Variants in PGM5 observed in about 807,000 individuals in gnomAD.
PGM5 encodes the protein phosphoglucomutase-like protein 5.
In PGM5, 23 loss-of-function variants were observed where a neutral mutation model predicts 59.2. That is an observed-to-expected ratio of 0.39 (90% CI 0.28 to 0.55). The LOEUF (loss-of-function observed/expected upper bound fraction) is 0.55. Among genes scored for constraint, PGM5 ranks in the 20% least tolerant of loss-of-function variants. The probability of loss-of-function intolerance (pLI) is 0.66; values close to 1 mark genes in which losing one functional copy is unlikely to be tolerated. For missense variants in PGM5, 574 were observed against 748.3 expected (o/e 0.77, Z 2.72); for synonymous variants, 214 against 286.0 (o/e 0.75, Z 2.54).
At chr9:68,513,026 G>C (rs1824776004) in intron 10 of PGM5, among the ~76,000 whole-genome samples, 1 of 152,176 alleles carries the variant, frequency 6.6e-6, no homozygotes, top group Non-Finnish European at 1.5e-5. Flanking sequence ...TTGGCCTAAG[G>C]CCTATAATTT....
In PGM5 at chr9:68,391,720, A is replaced by T. The variant is rs559918757; in HGVS notation, c.884A>T (p.Asp295Val). 9 of 1,612,934 alleles carry T rather than the reference A, an allele frequency of 5.6e-6. No individual in the cohort carries two copies. The South Asian group carries it at 7.7e-5, about 14-fold the overall frequency. ...GGATTTGGAGCTGCATTTGATGCTG[A>T]TGGGGTAAGTAGGAAAGCTGTCTGT... ...EYGFGAAFDA[D>V]GDRYMILGQN... The change falls in exon 5 of 11, where the codon GAT becomes GTT. Residue 295 changes from aspartate (D) to valine (V), a missense_variant. Transcript: ENST00000396396.
chr9:68,361,915 C>T (rs1438937904), intron 1 of PGM5, among the ~76,000 whole-genome samples: 2 of 151,890 alleles, frequency 1.3e-5, no homozygotes, highest in Non-Finnish European at 2.9e-5. Context: ...AAGGTTAGGG[C>T]GATCACTGCC....
intron 7 of PGM5, among the ~76,000 whole-genome samples, chr9:68,478,938 A>G (rs7039149): frequency 0.061 from 9,311 of 152,254 alleles, 620 homozygotes; most frequent in East Asian, 0.35. Context: ...GCTCTGTGAC[A>G]TCATCACCTC....
intron 9 of PGM5, among the ~76,000 whole-genome samples, chr9:68,494,670 T>C (rs767415921): frequency 3.9e-5 from 6 of 152,166 alleles, no homozygotes; most frequent in Non-Finnish European, 5.9e-5. Context: ...CCTAAGGTCA[T>C]ACATCTGGGG....
chr9:68,426,152 A>G (rs1554682682), intron 6 of PGM5, among the ~76,000 whole-genome samples: 1 of 152,138 alleles, frequency 6.6e-6, no homozygotes, highest in Non-Finnish European at 1.5e-5. Context: ...GGCAGAGAGT[A>G]TAATGGAAAG....
At position 68,469,204 on chromosome 9, in the gene PGM5, C is replaced by T. The variant is rs1057241489; in HGVS notation, c.1159+3996C>T. Among the ~76,000 whole-genome samples, 4 of 152,348 alleles carry T rather than the reference C, an allele frequency of 2.6e-5. No homozygotes were observed. In the South Asian group the frequency reaches 6.2e-4, roughly 24 times the overall value. On this transcript the variant is annotated intron_variant, in intron 7 of 10. Coordinates refer to ENST00000396396, the MANE Select transcript of PGM5 (RefSeq NM_021965.4). ...AAGTGCTGGGATGGCAGGCATGAACCGCCATGCCGGCCACTATTACTTTTT... is the reference window on the plus strand; with the variant it reads ...AAGTGCTGGGATGGCAGGCATGAACTGCCATGCCGGCCACTATTACTTTTT...
intron 10 of PGM5, among the ~76,000 whole-genome samples, chr9:68,508,033 T>C (rs1469521712): frequency 2.6e-5 from 4 of 152,164 alleles, no homozygotes; most frequent in Non-Finnish European, 5.9e-5. Flanking sequence ...GGCCAAACAT[T>C]GTGATCAGAT....
At chr9:68,389,453 T>C (rs1381791115) in intron 4 of PGM5, among the ~76,000 whole-genome samples, 1 of 152,026 alleles carries the variant, frequency 6.6e-6, no homozygotes, top group Admixed American at 6.6e-5. Context: ...TCTGCCCCCA[T>C]AGTTTTGCAT....
intron 6 of PGM5, among the ~76,000 whole-genome samples, chr9:68,418,224 C>A (rs1248520567): frequency 6.6e-6 from 1 of 152,106 alleles, no homozygotes; most frequent in Non-Finnish European, 1.5e-5. Flanking sequence ...ATCAGCCTGC[C>A]CACAAAAGTG....
At chr9:68,499,813 T>A (rs1554688490) in intron 10 of PGM5, among the ~76,000 whole-genome samples, 2 of 152,226 alleles carry the variant, frequency 1.3e-5, no homozygotes. Flanking sequence ...TTGTCCACTC[T>A]GAGAGGAGAG....
At chr9:68,476,752 A>G (rs557874994) in intron 7 of PGM5, among the ~76,000 whole-genome samples, 25 of 152,282 alleles carry the variant, frequency 1.6e-4, no homozygotes, top group Admixed American at 1.6e-3. Context: ...GTCCAAGCCA[A>G]CTCACAATTT....
At chr9:68,506,244 T>C (rs565854347) in intron 10 of PGM5, among the ~76,000 whole-genome samples, 1 of 152,232 alleles carries the variant, frequency 6.6e-6, no homozygotes, top group East Asian at 1.9e-4. Flanking sequence ...AGTGGCTGAG[T>C]TTCAGCCAAT....
At chr9:68,457,159 T>G (rs567294314) in intron 6 of PGM5, among the ~76,000 whole-genome samples, 1 of 152,370 alleles carries the variant, frequency 6.6e-6, no homozygotes, top group Admixed American at 6.5e-5. Flanking sequence ...AATCTATGGC[T>G]TACTTCTTTT....
chr9:68,401,927 GTGTATA>G (rs782747727), intron 6 of PGM5, among the ~76,000 whole-genome samples: 3,917 of 58,248 alleles, frequency 0.067, 93 homozygotes, highest in East Asian at 0.21. Flanking sequence ...GTGTGTGTGT[GTGTATA>G]TATTTGTCAA....
At chr9:68,504,992 A>C (rs1231971131) in intron 10 of PGM5, among the ~76,000 whole-genome samples, 3 of 152,216 alleles carry the variant, frequency 2.0e-5, no homozygotes, top group Non-Finnish European at 4.4e-5. Context: ...GAATAAAATA[A>C]ATGCCATTTT....
intron 9 of PGM5, among the ~76,000 whole-genome samples, chr9:68,484,577 C>CACAA (rs1564018313): frequency 2.7e-5 from 3 of 111,248 alleles, no homozygotes; most frequent in African/African-American, 9.7e-5. Flanking sequence ...CACACACACA[C>CACAA]AAAACAAAAC....
chr9:68,464,288 CA>C (rs1554685647), intron 6 of PGM5, among the ~76,000 whole-genome samples: 1 of 152,106 alleles, frequency 6.6e-6, no homozygotes, highest in Admixed American at 6.6e-5. Context: ...CCTTTAAGAT[CA>C]AAGTTGCATT....
At chr9:68,430,725 C>T (rs1313488074) in intron 6 of PGM5, among the ~76,000 whole-genome samples, 1 of 152,158 alleles carries the variant, frequency 6.6e-6, no homozygotes, top group Non-Finnish European at 1.5e-5. Flanking sequence ...AAATCATATA[C>T]CCCTAAGTAT....
intron 6 of PGM5, among the ~76,000 whole-genome samples, chr9:68,460,313 A>T (rs1233005956): frequency 3.3e-5 from 5 of 152,218 alleles, no homozygotes; most frequent in African/African-American, 9.6e-5. Flanking sequence ...TGGCCAGGAC[A>T]CTGGAGGTGC....
Sources: gnomAD v4.1 joint callset for allele counts (sites outside exome capture counted in the v4.1 genomes callset) on GRCh38, gnomAD v4.1.1 for gene constraint, MANE v1.5 for transcripts, NCBI Gene and HGNC (gene_info 2026-07-23, HGNC 2026-07-21) for gene names.